Variants in RBFOX1 observed in about 807,000 individuals in gnomAD.
RBFOX1 encodes RNA binding protein fox-1 homolog 1.
A neutral mutation model predicts 57.7 loss-of-function variants in RBFOX1; 8 were observed. The observed-to-expected ratio is 0.14, with a 90% confidence interval of 0.08 to 0.25. The LOEUF is 0.25. Ranked by LOEUF, RBFOX1 falls within the 10% of genes least tolerant of loss-of-function variation. The probability of loss-of-function intolerance (pLI) is 1.00; values close to 1 mark genes in which losing one functional copy is unlikely to be tolerated. For missense variants in RBFOX1, 611 were observed against 548.5 expected, an observed-to-expected ratio of 1.11 and a Z score of -1.14; for synonymous variants, 326 against 222.4, an observed-to-expected ratio of 1.47 and a Z score of -4.15.
At chr16:7,353,193 T>C (rs1051791942) in intron 4 of RBFOX1, among the ~76,000 whole-genome samples, 13 of 152,182 alleles carry the variant, frequency 8.5e-5, no homozygotes, top group East Asian at 1.9e-4. Flanking sequence ...ACAAAAACCA[T>C]ACTTTTCGTC....
intron 3 of RBFOX1, among the ~76,000 whole-genome samples, chr16:6,835,797 A>G (rs991756985): frequency 1.1e-4 from 16 of 145,880 alleles, no homozygotes; most frequent in African/African-American, 3.3e-4. Context: ...TATCATGTGT[A>G]GCTCTAAATC....
intron 1 of RBFOX1, among the ~76,000 whole-genome samples, chr16:5,322,885 A>G (rs1201237020): frequency 6.6e-6 from 1 of 152,148 alleles, no homozygotes; most frequent in Non-Finnish European, 1.5e-5. Context: ...GATTGTTTTC[A>G]GTGGTTTCTC....
intron 4 of RBFOX1, among the ~76,000 whole-genome samples, chr16:7,360,745 G>A (rs1034456372): frequency 6.6e-6 from 1 of 152,156 alleles, no homozygotes; most frequent in South Asian, 2.1e-4. Context: ...CACACACTGG[G>A]ATCTCTTTTT....
chr16:7,029,046 C>CTATATATATATA (rs1225538161), intron 3 of RBFOX1, among the ~76,000 whole-genome samples: 27 of 45,182 alleles, frequency 6.0e-4, no homozygotes, highest in African/African-American at 1.6e-3. Context: ...AAAAAAAAAG[C>CTATATATATATA]TATATATATA....
At chr16:6,377,840 C>A (rs745473155) in intron 2 of RBFOX1, among the ~76,000 whole-genome samples, 2 of 152,136 alleles carry the variant, frequency 1.3e-5, no homozygotes, top group African/African-American at 2.4e-5. Context: ...GCTTCCCCAA[C>A]GTGGATTCCC....
At chr16:6,882,986 T>G (rs2063267442) in intron 3 of RBFOX1, among the ~76,000 whole-genome samples, 1 of 152,154 alleles carries the variant, frequency 6.6e-6, no homozygotes, top group African/African-American at 2.4e-5. Context: ...TTTCTAAAGG[T>G]GAGATTGTGA....
intron 3 of RBFOX1, among the ~76,000 whole-genome samples, chr16:7,003,570 G>C (rs1333050999): frequency 7.9e-5 from 12 of 152,062 alleles, no homozygotes; most frequent in Admixed American, 7.9e-4. Flanking sequence ...AAAACCAGAG[G>C]TTGAAACAAG....
chr16:5,784,236 G>C (rs112257642), intron 3 of RBFOX1, among the ~76,000 whole-genome samples: 1 of 151,838 alleles, frequency 6.6e-6, no homozygotes, highest in East Asian at 1.9e-4. Context: ...CCTGGCTAAC[G>C]TGGTGAAACC....
At chr16:6,294,547 A>G (rs999647504) in intron 1 of RBFOX1, among the ~76,000 whole-genome samples, 6 of 152,222 alleles carry the variant, frequency 3.9e-5, no homozygotes. Context: ...AACACTAAGT[A>G]TGAAGGTGCC....
In RBFOX1 at chr16:6,316,980, C is replaced by G; in HGVS notation, c.-126-15C>G. 6.5e-7 allele frequency: 1 copy of G among 1,533,664 alleles called. No individual in the cohort carries two copies. Among genetic ancestry groups the G allele is most frequent in the Non-Finnish European group, 8.7e-7 (1 of 1,145,148 alleles). ...ATTTCTTGATACTAAAGTCATTCCC[C>G]TTTTTCTTCTTTAGGAAACTGGTCA... On this transcript the variant is annotated splice_polypyrimidine_tract_variant and intron_variant, in intron 1 of 15. Coordinates refer to ENST00000550418, the MANE Select transcript of RBFOX1 (RefSeq NM_018723.4).
At chr16:6,346,654 C>G (rs1232377656) in intron 2 of RBFOX1, among the ~76,000 whole-genome samples, 1 of 152,228 alleles carries the variant, frequency 6.6e-6, no homozygotes, top group Non-Finnish European at 1.5e-5. Context: ...CTCAATTAAA[C>G]TCTGTTAGAT....
intron 2 of RBFOX1, among the ~76,000 whole-genome samples, chr16:6,427,300 A>G (rs534772503): frequency 1.3e-5 from 2 of 152,286 alleles, no homozygotes; most frequent in African/African-American, 4.8e-5. Flanking sequence ...CTTCATTATC[A>G]TCGTCATCTT....
intron 2 of RBFOX1, among the ~76,000 whole-genome samples, chr16:6,323,614 C>A (rs888187412): frequency 6.6e-6 from 1 of 152,204 alleles, no homozygotes; most frequent in Admixed American, 6.5e-5. Context: ...CAATCTAGAT[C>A]AGTCTTTGAA....
intron 1 of RBFOX1, among the ~76,000 whole-genome samples, chr16:6,116,607 C>G (rs2096498016): frequency 6.6e-6 from 1 of 152,166 alleles, no homozygotes; most frequent in East Asian, 1.9e-4. Flanking sequence ...AGAGGAACTT[C>G]TGAAGCTAAA....
intron 2 of RBFOX1, among the ~76,000 whole-genome samples, chr16:5,501,012 T>C (rs183788098): frequency 1.1e-3 from 165 of 152,146 alleles, no homozygotes; most frequent in Admixed American, 2.1e-3. Context: ...CAACATTCCA[T>C]GAGCCTGAAA....
chr16:6,921,832 G>A (rs1393661490), intron 3 of RBFOX1, among the ~76,000 whole-genome samples: 1 of 151,956 alleles, frequency 6.6e-6, no homozygotes, highest in Non-Finnish European at 1.5e-5. Context: ...CATCACTTCT[G>A]CTGCATTCTG....
intron 1 of RBFOX1, among the ~76,000 whole-genome samples, chr16:5,434,658 A>T (rs1166503500): frequency 6.6e-6 from 1 of 152,092 alleles, no homozygotes; most frequent in East Asian, 1.9e-4. Flanking sequence ...ATTGTGTGCT[A>T]ATAACCTTAT....
rs140461627 is a variant in RBFOX1, at chr16:6,448,245, C to T, written c.-64+131188C>T. Among the ~76,000 whole-genome samples, 395 of 139,092 alleles carry T rather than the reference C, an allele frequency of 2.8e-3. 1 individual carries two copies. The highest frequency in any genetic ancestry group is 4.5e-3 in the Non-Finnish European group (296 of 66,352). The allele number at this position is 139,092 out of a possible 152,430, so 91.2% of individuals were successfully genotyped here. A position where few individuals can be genotyped will look rare whatever the true frequency, so the allele number is the denominator to read the frequency against. ...CGTGATTTTGGCTCACTGCAATCTC[C>T]CCCTCCTGGGTTCAAGCAATTCTCC... On this transcript the variant is annotated intron_variant, in intron 2 of 15. Coordinates refer to ENST00000550418, the MANE Select transcript of RBFOX1 (RefSeq NM_018723.4).
At chr16:5,664,589 C>T (rs913950372) in intron 3 of RBFOX1, among the ~76,000 whole-genome samples, 1 of 152,080 alleles carries the variant, frequency 6.6e-6, no homozygotes, top group African/African-American at 2.4e-5. Flanking sequence ...AGAGTTTCTG[C>T]CACAGGACCC....
Sources: allele counts gnomAD v4.1 joint callset (sites outside exome capture counted in the v4.1 genomes callset), GRCh38; gene constraint gnomAD v4.1.1; transcripts MANE v1.5; gene names NCBI Gene and HGNC (gene_info 2026-07-23, HGNC 2026-07-21).